Variants in DGKZ observed in about 807,000 individuals in gnomAD.
DGKZ encodes DAG kinase zeta.
Under a neutral mutation model 142.5 loss-of-function variants are expected in DGKZ, and 45 were observed. The observed-to-expected ratio is 0.32, with a 90% CI of 0.25 to 0.40. The LOEUF is 0.40. Ranked by LOEUF, DGKZ falls within the 10% of genes least tolerant of loss-of-function variation. The pLI, the probability that DGKZ is intolerant of heterozygous loss-of-function variation, is 1.00. For synonymous variants in DGKZ, 442 were observed against 527.0 expected (o/e 0.84, Z 2.21); for missense variants, 755 against 1,306.5 (o/e 0.58, Z 6.51).
chr11:46,378,612 C>G (rs774486482), intron 27 of DGKZ, 112 bp downstream of exon 27: 3 of 1,409,438 alleles, frequency 2.1e-6, no homozygotes, highest in Non-Finnish European at 3.0e-6. Flanking sequence ...CATCTGTCAT[C>G]GTCTGGCCCT....
At chr11:46,353,719 G>A (rs1040869847) in intron 1 of DGKZ, among the ~76,000 whole-genome samples, 5 of 152,142 alleles carry the variant, frequency 3.3e-5, no homozygotes, top group Admixed American at 2.6e-4. Flanking sequence ...ATGGTGAGAG[G>A]TCTGAGAGGA....
chr11:46,369,768 T>C, intron 5 of DGKZ, 173 bp from the exon 6 acceptor site: 1 of 888,054 alleles, frequency 1.1e-6, no homozygotes, highest in Non-Finnish European at 1.8e-6. Flanking sequence ...TCTCTGTCCC[T>C]CTGAGTCTGA....
chr11:46,356,438 C>T (rs1252555191), intron 1 of DGKZ, among the ~76,000 whole-genome samples: 4 of 152,162 alleles, frequency 2.6e-5, no homozygotes, highest in Non-Finnish European at 5.9e-5. Context: ...ACACCCAGCA[C>T]TTCTACACTC....
chr11:46,375,617 C>A (rs1349982544), exon 20 of DGKZ: 13 of 1,572,368 alleles, frequency 8.3e-6, no homozygotes, highest in Non-Finnish European at 1.1e-5. Context: ...GGAGCGCCGC[C>A]CCCCTGCACA....
At chr11:46,347,307 C>T (rs1042423402), upstream of DGKZ, 2 of 984,932 alleles carry the variant, frequency 2.0e-6, no homozygotes, top group African/African-American at 3.5e-5. This position sits in a 1 kb window ranked among gnomAD's most constrained non-coding sequence, Gnocchi z 6.4. Context: ...CCATTCGTCG[C>T]CCCGCCCCTC....
At chr11:46,339,194 C>G (rs1940160199) in intron 1 of DGKZ, among the ~76,000 whole-genome samples, 1 of 152,324 alleles carries the variant, frequency 6.6e-6, no homozygotes, top group East Asian at 1.9e-4. Context: ...GGGAGGGGCA[C>G]CTGATCCAAC....
chr11:46,345,640 C>T, upstream of DGKZ: 4 of 1,444,558 alleles, frequency 2.8e-6, no homozygotes, highest in South Asian at 4.3e-5. The surrounding 1 kb of genome is among the most constrained non-coding windows in gnomAD (Gnocchi z 4.1). Context: ...CCTCTATGAG[C>T]CTTTTATCTG....
chr11:46,373,195 C>G (rs1247391650), intron 14 of DGKZ, 94 bp downstream of exon 14: 2 of 1,373,958 alleles, frequency 1.5e-6, no homozygotes, highest in Admixed American at 6.1e-5. Context: ...GGGCGTGTCT[C>G]TTCATTTCTC....
Position 46,367,888 on chromosome 11 carries a change from C to T in DGKZ, c.367-114C>T, listed in dbSNP as rs755393490. On this transcript the variant is annotated intron_variant, in intron 3 of 30. Transcript: ENST00000527911. This position sits in a 1 kb window ranked among gnomAD's most constrained non-coding sequence, Gnocchi z 4.1. ...TGGTGAGGGGTGCAGGGGCTTTGTC[C>T]GGATGCCAGGACTGGGGCTTCCCAG... is the stretch of plus-strand genomic sequence containing the variant. 6 of 1,520,090 alleles carry T rather than the reference C, an allele frequency of 3.9e-6. No individual in the cohort carries two copies. The highest frequency in any genetic ancestry group is 2.3e-5 in the South Asian group (2 of 88,638). The allele number at this position is 1,520,090 out of a possible 1,614,324, so 94.2% of individuals were successfully genotyped here.
chr11:46,350,619 C>T (rs577781069), intron 1 of DGKZ, among the ~76,000 whole-genome samples: 21 of 152,228 alleles, frequency 1.4e-4, no homozygotes, highest in Admixed American at 3.3e-4. Flanking sequence ...ATTCTGCATG[C>T]GGGCCCTGGC....
Position 46,372,040 on chromosome 11 carries a change from G to T in DGKZ, c.832-35G>T. On this transcript the variant is annotated intron_variant, in intron 9 of 30. Transcript: ENST00000527911. The surrounding 1 kb of genome is among the most constrained non-coding windows in gnomAD (Gnocchi z 5.9). ...GGATGATGGTAGGGTGTCCTGGACG[G>T]GAAGGAGCTTACAGCCTCTCACCTT... is the stretch of plus-strand genomic sequence containing the variant. 6.4e-7 allele frequency: 1 copy of T among 1,573,196 alleles called. No individual in the cohort carries two copies. The highest frequency in any genetic ancestry group is 1.2e-5 in the South Asian group (1 of 86,810).
In DGKZ at chr11:46,379,045, C is replaced by A. The variant is rs558512772; in HGVS notation, c.2473C>A (p.Arg825Ser). ...CCTCATGCACCGAGACGAGCAGAGT[C>A]GCACGCTCCTGCACCACGCAGTCAG... is the stretch of plus-strand genomic sequence containing the variant. The change falls in exon 28 of 31, where the codon CGC becomes AGC. Residue 825 changes from arginine to serine, a missense_variant. Arg to Ser is a moderately radical substitution (Grantham distance 110). This residue lies in a region of DGKZ where 87 missense variants were observed against 112.2 expected (regional missense o/e 0.78). Coordinates refer to ENST00000527911, the Ensembl canonical transcript of DGKZ. 5.6e-5 allele frequency: 90 copies of A among 1,595,648 alleles called. No homozygotes were observed. In the Admixed American group the frequency reaches 6.1e-4, roughly 11 times the overall value.
At chr11:46,348,309 T>A (rs1292687689) in intron 1 of DGKZ, among the ~76,000 whole-genome samples, 1 of 152,208 alleles carries the variant, frequency 6.6e-6, no homozygotes, top group African/African-American at 2.4e-5. Flanking sequence ...CTGCGTGGCA[T>A]CTGCAGAACG....
chr11:46,334,828 G>A (rs998872155), intron 1 of DGKZ, among the ~76,000 whole-genome samples: 3 of 152,154 alleles, frequency 2.0e-5, no homozygotes, highest in African/African-American at 4.8e-5. Flanking sequence ...GACTCACAGG[G>A]GATGCAGCAA....
At chr11:46,365,670 A>C (rs1565041415) in intron 1 of DGKZ, 1 of 985,212 alleles carries the variant, frequency 1.0e-6, no homozygotes. Flanking sequence ...TGTCAGGATT[A>C]AGTTCCTTTG....
At chr11:46,370,037 C>CACCTGCA (rs1565058062) in intron 6 of DGKZ, 28 bp downstream of exon 6, 1 of 1,612,940 alleles carries the variant, frequency 6.2e-7, no homozygotes, top group Non-Finnish European at 8.5e-7. Context: ...AGGACATCGC[C>CACCTGCA]ACCTGCACCT....
chr11:46,359,794 T>C (rs1323396401), intron 1 of DGKZ, among the ~76,000 whole-genome samples: 2 of 149,932 alleles, frequency 1.3e-5, no homozygotes, highest in African/African-American at 4.9e-5. Context: ...TTTTTTGTAT[T>C]GTTAGTAGAG....
chr11:46,365,507 G>A (rs1590532302), intron 1 of DGKZ: 5 of 985,378 alleles, frequency 5.1e-6, no homozygotes, highest in Non-Finnish European at 6.0e-6. Context: ...TGTGAAGGGA[G>A]ACTGAGCAGC....
chr11:46,362,706 A>G (rs1398065719), intron 1 of DGKZ, among the ~76,000 whole-genome samples: 1 of 152,172 alleles, frequency 6.6e-6, no homozygotes, highest in Non-Finnish European at 1.5e-5. Flanking sequence ...AACGCCCTTG[A>G]AACTAGCACA....
Sources: allele counts gnomAD v4.1 joint callset (sites outside exome capture counted in the v4.1 genomes callset), GRCh38; gene constraint gnomAD v4.1.1; regional missense constraint gnomAD v4.1.1; non-coding constraint Gnocchi (gnomAD v3.1); transcripts MANE v1.5; gene names NCBI Gene and HGNC (gene_info 2026-07-23, HGNC 2026-07-21).